PCED1B: variants seen among roughly 807,000 people sequenced by gnomAD.
PCED1B encodes the protein PC-esterase domain-containing protein 1B.
For missense variants in PCED1B, 573 were observed against 573.9 expected (o/e 1.00, Z 0.02); for synonymous variants, 251 against 246.1 (o/e 1.02, Z -0.19).
At chr12:47,182,055 A>AT (rs1239525976) in intron 2 of PCED1B, among the ~76,000 whole-genome samples, 1 of 152,208 alleles carries the variant, frequency 6.6e-6, no homozygotes, top group Non-Finnish European at 1.5e-5. Flanking sequence ...CTAAGCAGGC[A>AT]TTTTTCAGAG....
chr12:47,179,506 CT>C (rs1312759988), intron 2 of PCED1B, among the ~76,000 whole-genome samples: 2 of 152,176 alleles, frequency 1.3e-5, no homozygotes, highest in African/African-American at 4.8e-5. Context: ...AGTTAATCAA[CT>C]TTCCTTTTAA....
chr12:47,113,096 T>C (rs533875853), intron 2 of PCED1B, among the ~76,000 whole-genome samples: 1 of 152,340 alleles, frequency 6.6e-6, no homozygotes, highest in East Asian at 1.9e-4. Flanking sequence ...GGATGTCTTA[T>C]TCATTCTGTA....
intron 1 of PCED1B, among the ~76,000 whole-genome samples, chr12:47,099,407 T>G (rs1174277788): frequency 6.6e-6 from 1 of 152,180 alleles, no homozygotes; most frequent in African/African-American, 2.4e-5. Flanking sequence ...CTACATAAGC[T>G]CTTCTGTCCA....
At chr12:47,206,446 C>A (rs2004684) in intron 2 of PCED1B, 33,780 of 152,144 alleles carry the variant, frequency 0.22, 4,558 homozygotes, top group Non-Finnish European at 0.3. Context: ...AGATCTCTTT[C>A]ACCGTCTCAG....
At chr12:47,112,499 C>A (rs911137464) in intron 2 of PCED1B, among the ~76,000 whole-genome samples, 4 of 152,176 alleles carry the variant, frequency 2.6e-5, no homozygotes, top group African/African-American at 9.7e-5. Context: ...AATGAAGCAA[C>A]CACTTCCACT....
rs371458090 is a variant in PCED1B, at chr12:47,167,620, T to A, written c.-525-48602T>A. ...GAGGAAAAGCAACCCTACAATGAAGTGAGTGTCATAAATAGCAGCACAGAG... is the reference window on the plus strand; with the variant it reads ...GAGGAAAAGCAACCCTACAATGAAGAGAGTGTCATAAATAGCAGCACAGAG... On this transcript the variant is annotated intron_variant, in intron 2 of 3. Coordinates refer to ENST00000546455, the MANE Select transcript of PCED1B (RefSeq NM_138371.3). 9.9e-5 allele frequency among the ~76,000 whole-genome samples: 15 copies of A among 152,252 alleles called. No individual in the cohort carries two copies. The East Asian group carries it at 2.7e-3, about 27-fold the overall frequency.
At chr12:47,157,818 A>G (rs1224744168) in intron 2 of PCED1B, among the ~76,000 whole-genome samples, 1 of 152,182 alleles carries the variant, frequency 6.6e-6, no homozygotes, top group East Asian at 1.9e-4. Context: ...CACTTCTGCT[A>G]GTTCCTGACA....
intron 2 of PCED1B, among the ~76,000 whole-genome samples, chr12:47,105,126 G>A (rs1262444002): frequency 3.3e-5 from 5 of 152,160 alleles, no homozygotes; most frequent in Non-Finnish European, 5.9e-5. Flanking sequence ...ACCTTACAAA[G>A]CAGAGACAGC....
chr12:47,158,370 C>T (rs1292383971), intron 2 of PCED1B, among the ~76,000 whole-genome samples: 1 of 152,282 alleles, frequency 6.6e-6, no homozygotes, highest in East Asian at 1.9e-4. Context: ...GGTGGTCTCC[C>T]TTTCCAGTTT....
At chr12:47,115,582 T>C (rs986517116) in intron 2 of PCED1B, among the ~76,000 whole-genome samples, 3 of 152,204 alleles carry the variant, frequency 2.0e-5, no homozygotes, top group Non-Finnish European at 4.4e-5. Context: ...CTTTTTCTTC[T>C]TCCCCTGCTT....
intron 2 of PCED1B, among the ~76,000 whole-genome samples, chr12:47,122,169 A>G (rs757506294): frequency 1.3e-5 from 2 of 152,126 alleles, no homozygotes; most frequent in Non-Finnish European, 2.9e-5. Context: ...ATCACTCTAA[A>G]TGTTTGCCAT....
At chr12:47,197,573 A>T (rs1942644687) in intron 2 of PCED1B, among the ~76,000 whole-genome samples, 1 of 151,826 alleles carries the variant, frequency 6.6e-6, no homozygotes, top group Non-Finnish European at 1.5e-5. Context: ...GCGCCATTGC[A>T]CTCCAGCCTG....
intron 2 of PCED1B, among the ~76,000 whole-genome samples, chr12:47,162,918 C>G (rs1252762878): frequency 6.6e-6 from 1 of 152,140 alleles, no homozygotes; most frequent in Admixed American, 6.5e-5. Flanking sequence ...TCAGGGACCA[C>G]CTAAGATTGC....
chr12:47,181,337 TAGAA>T lies in PCED1B; in HGVS notation c.-525-34880_-525-34877del, dbSNP rs1484556835. Among the ~76,000 whole-genome samples, 7 of 151,896 alleles carry T rather than the reference TAGAA, an allele frequency of 4.6e-5. No individual in the cohort carries two copies. The South Asian group carries it at 6.3e-4, about 14-fold the overall frequency. ...CAGTGCATTATTTTCTAATATATAT[TAGAA>T]AGAATATTAGAATGAGATAGATTCT... On this transcript the variant is annotated intron_variant, in intron 2 of 3. Coordinates refer to ENST00000546455, the MANE Select transcript of PCED1B (RefSeq NM_138371.3).
At chr12:47,168,938 T>C (rs1941630945) in intron 2 of PCED1B, among the ~76,000 whole-genome samples, 1 of 152,202 alleles carries the variant, frequency 6.6e-6, no homozygotes. Context: ...TCATAAATAC[T>C]CCATGAACAT....
chr12:47,086,132 T>C (rs1333579995), intron 1 of PCED1B, among the ~76,000 whole-genome samples: 4 of 152,152 alleles, frequency 2.6e-5, no homozygotes, highest in East Asian at 1.9e-4. Context: ...ATATTTCTTA[T>C]TGCCCAATTG....
intron 2 of PCED1B, among the ~76,000 whole-genome samples, chr12:47,199,852 G>T (rs1415392280): frequency 6.6e-6 from 1 of 152,122 alleles, no homozygotes; most frequent in Non-Finnish European, 1.5e-5. Context: ...CACAATCCAT[G>T]AAAGAAAAAT....
In PCED1B at chr12:47,236,380, T is replaced by C; in HGVS notation, c.*18T>C. On this transcript the variant is annotated 3_prime_UTR_variant, in exon 4 of 4. Coordinates refer to ENST00000546455, the MANE Select transcript of PCED1B (RefSeq NM_138371.3). ...CTCAATAGACGGACCTAGGCCTTATTTCCTCTTTATGAACATGGATTGGAC... is the reference window on the plus strand; with the variant it reads ...CTCAATAGACGGACCTAGGCCTTATCTCCTCTTTATGAACATGGATTGGAC... 1.3e-6 allele frequency: 2 copies of C among 1,525,380 alleles called. No homozygotes were observed. Among genetic ancestry groups the C allele is most frequent in the Non-Finnish European group, 1.8e-6 (2 of 1,138,120 alleles). 94.5% of individuals were successfully genotyped at this position (1,525,380 alleles called of 1,614,324 possible). A position where few individuals can be genotyped will look rare whatever the true frequency, so the allele number is the denominator to read the frequency against.
chr12:47,150,963 C>T (rs190420772), intron 2 of PCED1B, among the ~76,000 whole-genome samples: 23 of 152,026 alleles, frequency 1.5e-4, no homozygotes, highest in Non-Finnish European at 1.2e-4. Context: ...TGGTAACAAG[C>T]GAACAATTAC....
Sources: gnomAD v4.1 joint callset for allele counts (sites outside exome capture counted in the v4.1 genomes callset) on GRCh38, gnomAD v4.1.1 for gene constraint, MANE v1.5 for transcripts, NCBI Gene and HGNC (gene_info 2026-07-23, HGNC 2026-07-21) for gene names.